The following INSL6 variants were observed in gnomAD, a reference collection of about 807,000 sequenced individuals.
The protein encoded by INSL6 is insulin-like peptide INSL6.
A neutral mutation model predicts 9.4 loss-of-function variants in INSL6; 16 were observed. The observed-to-expected ratio is 1.70, with a 90% CI of 1.15 to 2.59. INSL6 has a LOEUF of 2.59. Ranked by LOEUF, INSL6 falls within the 30% of genes most tolerant of loss-of-function variation. The probability of loss-of-function intolerance (pLI) is 0.00; values close to 1 mark genes in which losing one functional copy is unlikely to be tolerated. For synonymous variants in INSL6, 154 were observed against 96.9 expected (o/e 1.59, Z -3.46); for missense variants, 391 against 257.3 (o/e 1.52, Z -3.56).
At chr9:5,181,992 C>G (rs1007128096) in intron 1 of INSL6, among the ~76,000 whole-genome samples, 4 of 152,132 alleles carry the variant, frequency 2.6e-5, no homozygotes, top group Non-Finnish European at 2.9e-5. Context: ...TGTAGTCACT[C>G]TGAAGAGCAA....
chr9:4,994,818 ACTCT>A, the INSL6 span, among the ~76,000 whole-genome samples: 1 of 152,044 alleles, frequency 6.6e-6, no homozygotes, highest in Non-Finnish European at 1.5e-5. Context: ...TTGGAACAAA[ACTCT>A]CTGAGAGTTG....
the INSL6 span, among the ~76,000 whole-genome samples, chr9:5,102,181 T>C: frequency 6.6e-6 from 1 of 152,102 alleles, no homozygotes; most frequent in Non-Finnish European, 1.5e-5. Flanking sequence ...ATAAACAGTG[T>C]AGAGAAGACC....
the INSL6 span, among the ~76,000 whole-genome samples, chr9:5,062,850 C>T: frequency 2.6e-5 from 4 of 152,196 alleles, no homozygotes; most frequent in African/African-American, 7.2e-5. Flanking sequence ...GTTTATAGGT[C>T]AGCTTTAATA....
chr9:5,149,247 A>C (rs1824664162), intron 2 of INSL6, among the ~76,000 whole-genome samples: 1 of 152,210 alleles, frequency 6.6e-6, no homozygotes, highest in Non-Finnish European at 1.5e-5. Flanking sequence ...TAGGCACCCC[A>C]AACGGGATTC....
At chr9:5,042,570 T>G in the INSL6 span, among the ~76,000 whole-genome samples, 3 of 151,628 alleles carry the variant, frequency 2.0e-5, no homozygotes, top group East Asian at 1.9e-4. Context: ...CTGAAGTGAG[T>G]AGTGGGATCC....
downstream of INSL6, among the ~76,000 whole-genome samples, chr9:5,162,824 A>G (rs1361332911): frequency 1.3e-5 from 2 of 152,238 alleles, no homozygotes; most frequent in African/African-American, 4.8e-5. Context: ...AGAACATTAT[A>G]GTATACATTT....
the INSL6 span, among the ~76,000 whole-genome samples, chr9:5,087,292 CAGG>C: frequency 6.6e-6 from 1 of 152,138 alleles, no homozygotes; most frequent in South Asian, 2.1e-4. Context: ...TGAGTGCCAG[CAGG>C]AGAAATGCCA....
In INSL6 at chr9:5,180,243, G is replaced by C. The variant is rs1043744048; in HGVS notation, c.289+5071C>G. Among the ~76,000 whole-genome samples the C allele has an allele frequency of 3.9e-5, 6 of 152,194 alleles. No individual in the cohort carries two copies. The East Asian group carries it at 1.2e-3, about 29-fold the overall frequency. On this transcript the variant is annotated intron_variant, in intron 1 of 1. Coordinates refer to ENST00000381641, the MANE Select transcript of INSL6 (RefSeq NM_007179.3). ...AAGCTGAGGATGTATGTCACCTCAG[G>C]ACCACTGTGATAATTGTGTTAACTG...
chr9:5,167,875 T>G (rs1296857497), intron 1 of INSL6, among the ~76,000 whole-genome samples: 1 of 152,170 alleles, frequency 6.6e-6, no homozygotes, highest in Non-Finnish European at 1.5e-5. Flanking sequence ...AGGAGCAGCC[T>G]GCCATCTTTG....
the INSL6 span, among the ~76,000 whole-genome samples, chr9:5,073,192 G>C: frequency 1.3e-5 from 2 of 152,234 alleles, no homozygotes; most frequent in African/African-American, 4.8e-5. Flanking sequence ...CACAGTATTG[G>C]TGATTGTGAT....
the INSL6 span, among the ~76,000 whole-genome samples, chr9:5,071,623 G>A: frequency 6.6e-6 from 1 of 152,108 alleles, no homozygotes; most frequent in Non-Finnish European, 1.5e-5. Flanking sequence ...CAGCAGTTAG[G>A]GAGAAAGAAA....
chr9:5,084,560 T>A, the INSL6 span, among the ~76,000 whole-genome samples: 26 of 152,256 alleles, frequency 1.7e-4, no homozygotes, highest in African/African-American at 6.0e-4. Flanking sequence ...TAAAAAATAT[T>A]TTCATACTGT....
At chr9:5,141,634 A>G (rs1039170888) in intron 2 of INSL6, among the ~76,000 whole-genome samples, 6 of 152,138 alleles carry the variant, frequency 3.9e-5, no homozygotes, top group African/African-American at 1.4e-4. Flanking sequence ...TGTCAGATGC[A>G]TAGTTTGCAG....
At chr9:5,027,537 A>C in the INSL6 span, among the ~76,000 whole-genome samples, 1 of 152,158 alleles carries the variant, frequency 6.6e-6, no homozygotes, top group East Asian at 1.9e-4. Flanking sequence ...GCAATATCTT[A>C]AAATAAGACA....
intron 2 of INSL6, among the ~76,000 whole-genome samples, chr9:5,152,393 A>G (rs888308931): frequency 1.3e-5 from 2 of 152,224 alleles, no homozygotes; most frequent in Admixed American, 1.3e-4. Flanking sequence ...AGAAATTAAT[A>G]TAAGAAAGAT....
At position 5,185,561 on chromosome 9, in the gene INSL6, G is replaced by A. The variant is rs748310988; in HGVS notation, c.42C>T (p.Leu14=). 1.2e-6 allele frequency: 2 copies of A among 1,613,826 alleles called. No individual in the cohort carries two copies. The highest frequency in any genetic ancestry group is 1.1e-5 in the South Asian group (1 of 91,050). The change falls in exon 1 of 2, where the codon CTC becomes CTT. Residue 14 remains leucine, a synonymous_variant. Transcript: ENST00000381641. Reference sequence around the variant, plus strand: ...GTTCACGAGAAAACCGAACCAGCAGGAGTCCAAGCCACAGCAGGGACAAGC... The same window carrying A: ...GTTCACGAGAAAACCGAACCAGCAGAAGTCCAAGCCACAGCAGGGACAAGC... The part of the protein sequence containing the change: ...LLRLSLLWLG[L]LLVRFSRELS...
At chr9:5,159,441 A>C (rs1280516759), downstream of INSL6, among the ~76,000 whole-genome samples, 1 of 152,110 alleles carries the variant, frequency 6.6e-6, no homozygotes, top group Non-Finnish European at 1.5e-5. Flanking sequence ...CATAGACTCA[A>C]AATAAAGGGA....
At chr9:5,149,001 A>C (rs1332789380) in intron 2 of INSL6, among the ~76,000 whole-genome samples, 5 of 152,216 alleles carry the variant, frequency 3.3e-5, no homozygotes, top group Admixed American at 2.6e-4. Flanking sequence ...AGAGTCTCTC[A>C]GAGGGAGACA....
the INSL6 span, chr9:5,111,129 G>A: frequency 2.9e-5 from 32 of 1,103,052 alleles, no homozygotes; most frequent in African/African-American, 4.7e-5. Context: ...ACCCCAGCTG[G>A]ACGTTCAGCG....
Sources: allele counts gnomAD v4.1 joint callset (sites outside exome capture counted in the v4.1 genomes callset), GRCh38; gene constraint gnomAD v4.1.1; transcripts MANE v1.5; gene names NCBI Gene and HGNC (gene_info 2026-07-23, HGNC 2026-07-21).